Variants in MGAT5 observed in about 807,000 individuals in gnomAD.
The protein encoded by MGAT5 is alpha-1,6-mannosylglycoprotein 6-beta-N-acetylglucosaminyltransferase A.
MGAT5 carries 30 observed loss-of-function variants against 94.3 expected under a neutral mutation model. The ratio of observed to expected loss-of-function variants is 0.32; its 90% confidence interval spans 0.24 to 0.43. The LOEUF (loss-of-function observed/expected upper bound fraction) is 0.43, where lower values mean the gene tolerates loss of function less well. Ranked by LOEUF, MGAT5 falls within the 20% of genes least tolerant of loss-of-function variation. The pLI, the probability that MGAT5 is intolerant of heterozygous loss-of-function variation, is 1.00. For missense variants in MGAT5, 691 were observed against 905.5 expected, an observed-to-expected ratio of 0.76 and a Z score of 3.04; for synonymous variants, 310 against 322.9, an observed-to-expected ratio of 0.96 and a Z score of 0.43.
At chr2:134,396,047 C>G (rs1682687283) in intron 10 of MGAT5, among the ~76,000 whole-genome samples, 1 of 152,190 alleles carries the variant, frequency 6.6e-6, no homozygotes, top group African/African-American at 2.4e-5. Flanking sequence ...GCAAGCTTCC[C>G]CTTATTGTGC....
At chr2:134,298,954 A>T (rs1320928792) in intron 2 of MGAT5, among the ~76,000 whole-genome samples, 2 of 152,216 alleles carry the variant, frequency 1.3e-5, no homozygotes, top group Non-Finnish European at 2.9e-5. Flanking sequence ...CATTTAGAAG[A>T]TAAGAATTCT....
intron 10 of MGAT5, among the ~76,000 whole-genome samples, chr2:134,393,695 C>T (rs1682545654): frequency 6.6e-6 from 1 of 152,108 alleles, no homozygotes; most frequent in African/African-American, 2.4e-5. Context: ...ACTCTAGAAT[C>T]ATATGATTTA....
chr2:134,224,954 C>A (rs1680981802), intron 1 of MGAT5, among the ~76,000 whole-genome samples: 1 of 151,896 alleles, frequency 6.6e-6, no homozygotes, highest in Admixed American at 6.6e-5. Flanking sequence ...GTGTTGTGCA[C>A]CTGTAGTCCC....
intron 15 of MGAT5, among the ~76,000 whole-genome samples, chr2:134,444,338 G>A (rs1252940205): frequency 1.3e-5 from 2 of 152,336 alleles, no homozygotes; most frequent in African/African-American, 2.4e-5. Flanking sequence ...GCCAGGCCCT[G>A]TGCCATGGGA....
chr2:134,365,787 A>G (rs189775104), intron 10 of MGAT5, among the ~76,000 whole-genome samples: 1 of 152,204 alleles, frequency 6.6e-6, no homozygotes, highest in Admixed American at 6.5e-5. Context: ...CTCTGTTCCT[A>G]TAGTCATATC....
At chr2:134,322,247 G>A (rs1429037452) in intron 4 of MGAT5, among the ~76,000 whole-genome samples, 1 of 152,060 alleles carries the variant, frequency 6.6e-6, no homozygotes, top group Non-Finnish European at 1.5e-5. Context: ...ATTATATGTG[G>A]GAACATTGTT....
intron 1 of MGAT5, among the ~76,000 whole-genome samples, chr2:134,237,191 T>C (rs1681694871): frequency 6.6e-6 from 1 of 151,592 alleles, no homozygotes; most frequent in Non-Finnish European, 1.5e-5. Context: ...TGTACTTGGC[T>C]GCTGAGCCCT....
intron 1 of MGAT5, among the ~76,000 whole-genome samples, chr2:134,204,347 C>G (rs1679933273): frequency 6.6e-6 from 1 of 152,184 alleles, no homozygotes; most frequent in Non-Finnish European, 1.5e-5. Context: ...AGTCCCTGTT[C>G]TGTACTGTGC....
intron 14 of MGAT5, among the ~76,000 whole-genome samples, chr2:134,435,483 T>G (rs1685119628): frequency 6.6e-6 from 1 of 152,232 alleles, no homozygotes; most frequent in Non-Finnish European, 1.5e-5. Context: ...TCTAGAATAC[T>G]TACCACCTTT....
rs776400747 is a variant in MGAT5 at position 134,338,375 on chromosome 2, G to A, written c.762G>A (p.Lys254=). Residue 254 remains lysine, a synonymous_variant, in exon 6 of 16, where the codon AAG becomes AAA. Coordinates refer to ENST00000281923, the MANE Select transcript of MGAT5 (RefSeq NM_002410.5). ...CTGACGCATGGATCCAAGCAATCAA[G>A]TCCCTGGCAGAAAAGCAGAACCTTG... ...RMADAWIQAI[K]SLAEKQNLEK... is the part of the protein sequence containing the mutation. The A allele has an allele frequency of 2.5e-5, 40 of 1,611,990 alleles. No individual in the cohort carries two copies. Among genetic ancestry groups the A allele is most frequent in the Admixed American group, 1.7e-5 (1 of 59,586 alleles).
intron 12 of MGAT5, among the ~76,000 whole-genome samples, chr2:134,420,063 T>C (rs1684211111): frequency 6.6e-6 from 1 of 152,210 alleles, no homozygotes; most frequent in Non-Finnish European, 1.5e-5. Context: ...CTTAAGAACT[T>C]AAAGACATCC....
At chr2:134,229,209 C>CA (rs1046524667) in intron 1 of MGAT5, among the ~76,000 whole-genome samples, 3 of 152,220 alleles carry the variant, frequency 2.0e-5, no homozygotes, top group African/African-American at 7.2e-5. Flanking sequence ...AAATCTAATG[C>CA]AACCTTCTAG....
At chr2:134,364,839 G>A (rs999570791) in intron 10 of MGAT5, among the ~76,000 whole-genome samples, 1 of 152,246 alleles carries the variant, frequency 6.6e-6, no homozygotes, top group African/African-American at 2.4e-5. Context: ...CACAGTATGT[G>A]AGAATTTAGT....
chr2:134,149,550 C>A (rs913019704), intron 1 of MGAT5, among the ~76,000 whole-genome samples: 2 of 152,202 alleles, frequency 1.3e-5, no homozygotes, highest in African/African-American at 4.8e-5. Context: ...GTTGAATGAG[C>A]CTTGTGAGCT....
chr2:134,132,060 G>C (rs1048112469), intron 1 of MGAT5, among the ~76,000 whole-genome samples: 6 of 152,214 alleles, frequency 3.9e-5, no homozygotes, highest in Non-Finnish European at 7.3e-5. Context: ...ACTGAGTTTG[G>C]GGTAAGTTTG....
chr2:134,295,712 A>G (rs1165112843), intron 2 of MGAT5, among the ~76,000 whole-genome samples: 1 of 152,154 alleles, frequency 6.6e-6, no homozygotes, highest in Non-Finnish European at 1.5e-5. Context: ...CATCAGGAAT[A>G]CTGTTTGGTC....
At chr2:134,235,686 T>C (rs1229151906) in intron 1 of MGAT5, among the ~76,000 whole-genome samples, 2 of 152,054 alleles carry the variant, frequency 1.3e-5, no homozygotes, top group Non-Finnish European at 2.9e-5. Context: ...CAGATCCTGC[T>C]GTACTGCTGT....
rs1392526033 is a variant in MGAT5, at chr2:134,152,380, G to A, written c.-143+32089G>A. Reference sequence around the variant, plus strand: ...TCACGCCCTATGGGACCCGCCCACCGCCATGGGACCTCACTCACGCCCTAT... The same window carrying A: ...TCACGCCCTATGGGACCCGCCCACCACCATGGGACCTCACTCACGCCCTAT... On this transcript the variant is annotated intron_variant, in intron 1 of 16. Coordinates refer to the MGAT5 transcript ENST00000409645. 4.5e-3 allele frequency among the ~76,000 whole-genome samples: 576 copies of A among 128,574 alleles called. 9 individuals carry two copies. The highest frequency in any genetic ancestry group is 0.016 in the African/African-American group (517 of 32,408). The allele number at this position is 128,574 out of a possible 152,430, so 84.3% of individuals were successfully genotyped here.
intron 8 of MGAT5, among the ~76,000 whole-genome samples, chr2:134,349,330 T>C (rs1284827776): frequency 6.6e-6 from 1 of 152,184 alleles, no homozygotes; most frequent in Admixed American, 6.6e-5. Context: ...TAAAGTCAAA[T>C]ACTCCAATTG....
Sources: allele counts gnomAD v4.1 joint callset (sites outside exome capture counted in the v4.1 genomes callset), GRCh38; gene constraint gnomAD v4.1.1; transcripts MANE v1.5; gene names NCBI Gene and HGNC (gene_info 2026-07-23, HGNC 2026-07-21).